The following AUTS2 variants were observed in gnomAD, a reference collection of about 807,000 sequenced individuals.
AUTS2 encodes activator of transcription and developmental regulator AUTS2.
A neutral mutation model predicts 112.4 loss-of-function variants in AUTS2; 17 were observed. The observed-to-expected ratio is 0.15, with a 90% CI of 0.10 to 0.23. The LOEUF (loss-of-function observed/expected upper bound fraction) is 0.23, where lower values mean the gene tolerates loss of function less well. Among genes scored for constraint, AUTS2 ranks in the 10% least tolerant of loss-of-function variants. The pLI is 1.00. For synonymous variants in AUTS2, 751 were observed against 702.7 expected (o/e 1.07, Z -1.09); for missense variants, 1,510 against 1,701.6 (o/e 0.89, Z 1.98).
chr7:70,125,298 G>T (rs950363807), intron 3 of AUTS2, among the ~76,000 whole-genome samples: 28 of 149,094 alleles, frequency 1.9e-4, no homozygotes, highest in African/African-American at 6.4e-4. Context: ...TTTAATGTTT[G>T]CTTTTGTACT....
intron 2 of AUTS2, among the ~76,000 whole-genome samples, chr7:70,043,552 CCTTCCTT>C (rs1801342344): frequency 7.9e-3 from 30 of 3,780 alleles, no homozygotes; most frequent in East Asian, 0.016. Context: ...TCCCTCCCTT[CCTTCCTT>C]CCTTCCTTCC....
At chr7:70,385,170 T>G (rs1417758191) in intron 4 of AUTS2, among the ~76,000 whole-genome samples, 2 of 152,226 alleles carry the variant, frequency 1.3e-5, no homozygotes, top group African/African-American at 4.8e-5. Flanking sequence ...CATAATCATC[T>G]GTTGCTTTCT....
chr7:69,624,069 CTA>C (rs1316552169), intron 1 of AUTS2, among the ~76,000 whole-genome samples: 1 of 152,124 alleles, frequency 6.6e-6, no homozygotes, highest in Non-Finnish European at 1.5e-5. Context: ...TGTTGTTTAT[CTA>C]TGTTTTGATT....
At chr7:70,424,515 A>G (rs945086966) in intron 4 of AUTS2, among the ~76,000 whole-genome samples, 1 of 152,046 alleles carries the variant, frequency 6.6e-6, no homozygotes, top group Non-Finnish European at 1.5e-5. Flanking sequence ...TCTAAAATGG[A>G]AGGGTGGTAG....
intron 1 of AUTS2, among the ~76,000 whole-genome samples, chr7:69,773,289 C>A (rs904681723): frequency 7.2e-5 from 11 of 151,990 alleles, no homozygotes; most frequent in Admixed American, 7.2e-4. Context: ...GAGGCCAAGG[C>A]AGGCAGATCA....
chr7:70,207,540 A>G (rs1810631849), intron 4 of AUTS2, among the ~76,000 whole-genome samples: 1 of 152,240 alleles, frequency 6.6e-6, no homozygotes. Flanking sequence ...GAGGATTCAA[A>G]TTCTTGCTTC....
intron 1 of AUTS2, among the ~76,000 whole-genome samples, chr7:69,757,332 T>C (rs1379388660): frequency 6.6e-6 from 1 of 152,214 alleles, no homozygotes; most frequent in East Asian, 1.9e-4. Context: ...GTATAGGTAG[T>C]AGAGATAAAA....
intron 4 of AUTS2, among the ~76,000 whole-genome samples, chr7:70,162,858 C>A (rs1442378306): frequency 6.6e-6 from 1 of 152,134 alleles, no homozygotes; most frequent in African/African-American, 2.4e-5. Flanking sequence ...TCTATATGCT[C>A]TTTTATATTC....
At chr7:69,687,293 C>T (rs1418314496) in intron 1 of AUTS2, among the ~76,000 whole-genome samples, 2 of 152,004 alleles carry the variant, frequency 1.3e-5, no homozygotes, top group South Asian at 2.1e-4. Context: ...GACTTAAGAC[C>T]ACAGTGAGGT....
In AUTS2 at chr7:70,058,622, G is replaced by GTT. The variant is rs35484796; in HGVS notation, c.523-59497_523-59496dup. On this transcript the variant is annotated intron_variant, in intron 2 of 18. Transcript: ENST00000342771. ...TGGATTTATCTATTGCTACATGTAGGTTTTTTTTTTTTTTAACTAACTAGA... is the reference window on the plus strand; with the variant it reads ...TGGATTTATCTATTGCTACATGTAGGTTTTTTTTTTTTTTTTAACTAACTAGA... Among the ~76,000 whole-genome samples the GTT allele has an allele frequency of 3.8e-3, 546 of 143,518 alleles. 5 individuals are homozygous for GTT. Among genetic ancestry groups the GTT allele is most frequent in the South Asian group, 0.015 (67 of 4,520 alleles). The allele number at this position is 143,518 out of a possible 152,430, so 94.2% of individuals were successfully genotyped here. A position where few individuals can be genotyped will look rare whatever the true frequency, so the allele number is the denominator to read the frequency against.
intron 4 of AUTS2, among the ~76,000 whole-genome samples, chr7:70,166,597 C>T (rs1808395660): frequency 2.0e-5 from 3 of 151,748 alleles, no homozygotes; most frequent in Admixed American, 2.0e-4. Flanking sequence ...AATTTTAGAG[C>T]AGCCATTGGG....
intron 1 of AUTS2, among the ~76,000 whole-genome samples, chr7:69,785,565 A>G (rs1041046535): frequency 3.3e-5 from 5 of 152,370 alleles, no homozygotes; most frequent in South Asian, 2.1e-4. Flanking sequence ...CAGAGTGCCA[A>G]TGGCCATAGA....
At chr7:70,090,424 C>T (rs1803853260) in intron 2 of AUTS2, among the ~76,000 whole-genome samples, 3 of 151,916 alleles carry the variant, frequency 2.0e-5, no homozygotes, top group African/African-American at 7.3e-5. Flanking sequence ...AGTGCAGTGG[C>T]ACAATCTCAG....
intron 2 of AUTS2, among the ~76,000 whole-genome samples, chr7:70,109,391 C>T (rs1479917726): frequency 6.6e-6 from 1 of 152,124 alleles, no homozygotes; most frequent in Non-Finnish European, 1.5e-5. Context: ...ACAGATTTAT[C>T]ATTTAGTCCA....
At chr7:69,653,045 A>C (rs1795362615) in intron 1 of AUTS2, among the ~76,000 whole-genome samples, 1 of 152,130 alleles carries the variant, frequency 6.6e-6, no homozygotes, top group South Asian at 2.1e-4. Flanking sequence ...CTCATATTGC[A>C]GTGTATCTGG....
chr7:69,617,477 GCATGGTATGTGAGCAA>G (rs1793442250), intron 1 of AUTS2, among the ~76,000 whole-genome samples: 1 of 152,116 alleles, frequency 6.6e-6, no homozygotes, highest in Non-Finnish European at 1.5e-5. Flanking sequence ...AGAAGGAGTG[GCATGGTATGTGAGCAA>G]CACAGGAGAT....
chr7:70,378,712 G>A (rs751350670), intron 4 of AUTS2, among the ~76,000 whole-genome samples: 7 of 152,160 alleles, frequency 4.6e-5, no homozygotes, highest in Non-Finnish European at 7.3e-5. Flanking sequence ...TTCCCAGCAT[G>A]GTTAGCAGAA....
chr7:70,781,808 T>C (rs775766566), intron 15 of AUTS2, 52 bp downstream of exon 15: 3 of 1,585,946 alleles, frequency 1.9e-6, no homozygotes, highest in South Asian at 2.3e-5. Context: ...AGTTCTCAGG[T>C]AACTAAATAA....
chr7:70,600,038 C>T (rs1803397811), intron 5 of AUTS2, among the ~76,000 whole-genome samples: 1 of 152,208 alleles, frequency 6.6e-6, no homozygotes, highest in Admixed American at 6.5e-5. Flanking sequence ...GAGCCCCACC[C>T]ACAGCTACTG....
Sources: allele counts gnomAD v4.1 joint callset (sites outside exome capture counted in the v4.1 genomes callset), GRCh38; gene constraint gnomAD v4.1.1; transcripts MANE v1.5; gene names NCBI Gene and HGNC (gene_info 2026-07-23, HGNC 2026-07-21).